ANKRD17: variants seen among roughly 807,000 people sequenced by gnomAD.
ANKRD17 encodes ankyrin repeat domain-containing protein 17.
In ANKRD17, 19 loss-of-function variants were observed where a neutral mutation model predicts 229.7. The observed-to-expected ratio is 0.08, with a 90% CI of 0.06 to 0.12. The LOEUF (loss-of-function observed/expected upper bound fraction) is 0.12. Among genes scored for constraint, ANKRD17 ranks in the 10% least tolerant of loss-of-function variants. The probability of loss-of-function intolerance (pLI) is 1.00; values close to 1 mark genes in which losing one functional copy is unlikely to be tolerated. For synonymous variants in ANKRD17, 1,112 were observed against 1,146.1 expected, an observed-to-expected ratio of 0.97 and a Z score of 0.60; for missense variants, 2,176 against 3,176.8, an observed-to-expected ratio of 0.68 and a Z score of 7.57.
chr4:73,198,420 G>C (rs765605579), intron 1 of ANKRD17, among the ~76,000 whole-genome samples: 7 of 152,078 alleles, frequency 4.6e-5, no homozygotes, highest in Non-Finnish European at 5.9e-5. Context: ...ACTTGATAAA[G>C]AATTAGGTTA....
intron 2 of ANKRD17, among the ~76,000 whole-genome samples, chr4:73,162,046 TTCTC>T (rs539882538): frequency 1.8e-4 from 27 of 151,308 alleles, no homozygotes; most frequent in Non-Finnish European, 2.8e-4. Flanking sequence ...AGGCTGATTT[TTCTC>T]TCTCTCTTTT....
chr4:73,234,118 T>A (rs951351558), intron 1 of ANKRD17, among the ~76,000 whole-genome samples: 2 of 152,172 alleles, frequency 1.3e-5, no homozygotes, highest in Admixed American at 1.3e-4. Flanking sequence ...TGATATATTT[T>A]CCATGCTTCT....
chr4:73,079,734 C>T (rs1417129409), intron 30 of ANKRD17, among the ~76,000 whole-genome samples: 1 of 152,118 alleles, frequency 6.6e-6, no homozygotes, highest in Non-Finnish European at 1.5e-5. Flanking sequence ...AGGTGGATTT[C>T]TTGATTTGAG....
Position 73,139,808 on chromosome 4 carries a change from T to C in ANKRD17, c.2808A>G (p.Leu936=), listed in dbSNP as rs760016172. ...YARLQQVDPV[L]LKDEPQQTAA... ...CAGTCTGCTGGGGTTCATCTTTAAG[T>C]AAAACAGGATCCACTTGCTGTAACC... The change falls in exon 15 of 34, where the codon TTA becomes TTG. Residue 936 remains leucine, a synonymous_variant. Coordinates refer to ENST00000358602, the MANE Select transcript of ANKRD17 (RefSeq NM_032217.5). 1.2e-6 allele frequency: 2 copies of C among 1,614,114 alleles called. No individual in the cohort carries two copies. Among genetic ancestry groups the C allele is most frequent in the African/African-American group, 2.7e-5 (2 of 74,936 alleles).
intron 3 of ANKRD17, 151 bp from the exon 4 acceptor site, chr4:73,156,317 C>T (rs1731653162): frequency 5.4e-6 from 5 of 919,798 alleles, no homozygotes; most frequent in Non-Finnish European, 7.8e-6. Context: ...GCAATCAGCT[C>T]ACTGCAGCCT....
At chr4:73,229,420 A>G (rs1742828548) in intron 1 of ANKRD17, among the ~76,000 whole-genome samples, 1 of 152,212 alleles carries the variant, frequency 6.6e-6, no homozygotes, top group African/African-American at 2.4e-5. Flanking sequence ...CTAAAAATCC[A>G]GATCTGAAAT....
Position 73,120,906 on chromosome 4 carries a change from T to C in ANKRD17, c.3824A>G (p.Lys1275Arg), listed in dbSNP as rs771702713. 6.2e-7 allele frequency: 1 copy of C among 1,613,640 alleles called. No homozygotes were observed. Residue 1275 changes from lysine (K) to arginine (R), a missense_variant, in exon 20 of 34, where the codon AAA (lysine) becomes AGA (arginine). Physicochemically the swap from Lys to Arg is conservative, Grantham distance 26. This residue lies in a region of ANKRD17 where 178 missense variants were observed against 421.7 expected (regional missense o/e 0.42). Coordinates refer to ENST00000358602, the MANE Select transcript of ANKRD17 (RefSeq NM_032217.5). ...TEVVSLLLDR[K>R]ANVEHRAKTG... Reference sequence around the variant, plus strand: ...CTTAGCTCTGTGTTCAACATTTGCTTTTCTATCAAGCAGAAGACTAACCAC... The same window carrying C: ...CTTAGCTCTGTGTTCAACATTTGCTCTTCTATCAAGCAGAAGACTAACCAC...
chr4:73,150,994 C>A (rs1730930031), intron 7 of ANKRD17, among the ~76,000 whole-genome samples: 1 of 152,110 alleles, frequency 6.6e-6, no homozygotes, highest in South Asian at 2.1e-4. Flanking sequence ...TAATAATGTA[C>A]ATACTCTGAA....
Position 73,091,229 on chromosome 4 carries a change from A to C in ANKRD17, c.6399T>G (p.Val2133=), listed in dbSNP as rs1444704483. The change falls in exon 29 of 34, where the codon GTT becomes GTG. Residue 2133 remains valine (V), a synonymous_variant. Transcript: ENST00000358602. ...TTGCTAAAGGAGGAACAGTCATTCT[A>C]ACTTCCGGGGGAGGAACCTGAGACT... ...LQQSQVPPPE[V]RMTVPPLATS... 1 of 1,614,210 alleles carries C rather than the reference A, an allele frequency of 6.2e-7. No individual in the cohort carries two copies. Among genetic ancestry groups the C allele is most frequent in the East Asian group, 2.2e-5 (1 of 44,880 alleles).
intron 1 of ANKRD17, among the ~76,000 whole-genome samples, chr4:73,204,439 A>AATAT (rs1739177021): frequency 6.6e-6 from 1 of 151,972 alleles, no homozygotes; most frequent in African/African-American, 2.4e-5. Context: ...ATGCAGTAAA[A>AATAT]ATATGCTTCA....
chr4:73,141,651 ACTT>A, intron 14 of ANKRD17, 87 bp downstream of exon 14: 1 of 1,274,610 alleles, frequency 7.8e-7, no homozygotes, highest in Non-Finnish European at 1.1e-6. Flanking sequence ...AACTTAGTAA[ACTT>A]CTTTGTTTGT....
chr4:73,180,815 C>A (rs756047551), intron 1 of ANKRD17, among the ~76,000 whole-genome samples: 2 of 152,132 alleles, frequency 1.3e-5, no homozygotes, highest in Non-Finnish European at 2.9e-5. Context: ...CCTATGTGAC[C>A]TAACCAAGTC....
At chr4:73,190,849 A>C (rs1418194271) in intron 1 of ANKRD17, among the ~76,000 whole-genome samples, 3 of 152,144 alleles carry the variant, frequency 2.0e-5, no homozygotes, top group East Asian at 1.9e-4. Context: ...GAAAAGTGTA[A>C]GACCTACAGG....
intron 1 of ANKRD17, among the ~76,000 whole-genome samples, chr4:73,218,886 C>T (rs1387301538): frequency 1.3e-5 from 2 of 152,026 alleles, no homozygotes; most frequent in African/African-American, 4.8e-5. Context: ...CATAGTGAAA[C>T]CCCGTCTCTA....
At chr4:73,169,808 C>T (rs1638633743) in intron 2 of ANKRD17, among the ~76,000 whole-genome samples, 2 of 152,226 alleles carry the variant, frequency 1.3e-5, no homozygotes, top group Admixed American at 1.3e-4. Context: ...GAACTCAGTG[C>T]TGCCCGGTCA....
chr4:73,110,645 A>G (rs1021290631), intron 24 of ANKRD17, among the ~76,000 whole-genome samples: 1 of 152,228 alleles, frequency 6.6e-6, no homozygotes, highest in African/African-American at 2.4e-5. Context: ...CCATTTTCCC[A>G]GATGTAAATT....
intron 1 of ANKRD17, among the ~76,000 whole-genome samples, chr4:73,232,795 C>A (rs1743174459): frequency 6.6e-6 from 1 of 152,136 alleles, no homozygotes; most frequent in Non-Finnish European, 1.5e-5. Context: ...ATGATCTCAA[C>A]TCCCTGAAAC....
intron 2 of ANKRD17, among the ~76,000 whole-genome samples, chr4:73,176,591 G>C (rs1734766378): frequency 6.6e-6 from 1 of 151,680 alleles, no homozygotes; most frequent in Non-Finnish European, 1.5e-5. Context: ...CAGTGGGGAT[G>C]GTTAATGAGT....
chr4:73,182,200 A>AG (rs1308960544), intron 1 of ANKRD17, among the ~76,000 whole-genome samples: 3 of 151,906 alleles, frequency 2.0e-5, no homozygotes, highest in Non-Finnish European at 2.9e-5. Context: ...GTATTCTCTA[A>AG]GGGGGGAAAA....
Sources: allele counts gnomAD v4.1 joint callset (sites outside exome capture counted in the v4.1 genomes callset), GRCh38; gene constraint gnomAD v4.1.1; regional missense constraint gnomAD v4.1.1; transcripts MANE v1.5; gene names NCBI Gene and HGNC (gene_info 2026-07-23, HGNC 2026-07-21).